The following FOCAD variants were observed in gnomAD, a reference collection of about 807,000 sequenced individuals.
FOCAD encodes the protein focadhesin.
FOCAD carries 198 observed loss-of-function variants against 225.6 expected under a neutral mutation model. The ratio of observed to expected loss-of-function variants is 0.88; its 90% CI spans 0.78 to 0.99. The LOEUF is 0.99. Among genes scored for constraint, FOCAD ranks in the 50% least tolerant of loss-of-function variants. FOCAD has a pLI of 0.00. For synonymous variants in FOCAD, 897 were observed against 755.0 expected (o/e 1.19, Z -3.08); for missense variants, 2,713 against 2,123.6 (o/e 1.28, Z -5.46).
At chr9:20,819,609 A>G (rs967316972) in intron 11 of FOCAD, among the ~76,000 whole-genome samples, 187 bp from the exon 12 acceptor site, 10 of 152,148 alleles carry the variant, frequency 6.6e-5, no homozygotes, top group African/African-American at 2.4e-4. Flanking sequence ...GCAGCTAATT[A>G]TAAGTGGTAG....
At chr9:20,712,712 A>G (rs1824956773) in intron 1 of FOCAD, among the ~76,000 whole-genome samples, 1 of 134,960 alleles carries the variant, frequency 7.4e-6, no homozygotes, top group Non-Finnish European at 1.6e-5. Flanking sequence ...GTCATCCTTG[A>G]CTCCTTTCTC....
At chr9:20,851,802 G>A (rs953320556) in intron 15 of FOCAD, among the ~76,000 whole-genome samples, 1 of 151,804 alleles carries the variant, frequency 6.6e-6, no homozygotes. Context: ...TTCAGGAGTT[G>A]GCAAACCATG....
chr9:20,699,527 G>A (rs1242803408), intron 1 of FOCAD, among the ~76,000 whole-genome samples: 2 of 151,236 alleles, frequency 1.3e-5, no homozygotes, highest in Non-Finnish European at 2.9e-5. Flanking sequence ...GGATCAGGAG[G>A]TTGGGAGATT....
chr9:20,874,758 C>T lies in FOCAD; in HGVS notation c.2268C>T (p.Gly756=). 2 of 1,613,686 alleles carry T rather than the reference C, an allele frequency of 1.2e-6. No individual in the cohort carries two copies. Among genetic ancestry groups the T allele is most frequent in the Non-Finnish European group, 1.7e-6 (2 of 1,179,718 alleles). ...DVEDVDLSVP[G]SCYLKLLSLT... ...AGGATGTGGATCTTTCAGTTCCTGG[C>T]TCTTGCTATCTCAAACTGTTGTCAC... The change falls in exon 19 of 44, where the codon GGC becomes GGT. Residue 756 remains glycine (G), a synonymous_variant. Coordinates refer to ENST00000338382, the MANE Select transcript of FOCAD (RefSeq NM_001375567.1).
chr9:20,895,795 T>C (rs947586899), intron 21 of FOCAD, among the ~76,000 whole-genome samples: 30 of 152,018 alleles, frequency 2.0e-4, no homozygotes, highest in Admixed American at 1.3e-3. Context: ...ATTTTCTATA[T>C]AGACACTCAT....
chr9:20,867,725 G>A lies in FOCAD; in HGVS notation c.2190+713G>A, dbSNP rs113029216. ...TCAAATGCATACAGATGTTTATTGA[G>A]TGCCTCTGAAGTGTCAAGCAGACAT... On this transcript the variant is annotated intron_variant, in intron 18 of 43. Transcript: ENST00000338382. Among the ~76,000 whole-genome samples, 1,143 of 152,100 alleles carry A rather than the reference G, an allele frequency of 7.5e-3. 18 individuals are homozygous for A. The highest frequency in any genetic ancestry group is 0.026 in the African/African-American group (1,091 of 41,512).
In FOCAD at chr9:20,778,715, C is replaced by T. The variant is rs1197207097; in HGVS notation, c.941C>T (p.Ala314Val). 6.2e-7 allele frequency: 1 copy of T among 1,612,302 alleles called. No homozygotes were observed. Among genetic ancestry groups the T allele is most frequent in the Non-Finnish European group, 8.5e-7 (1 of 1,178,798 alleles). The change falls in exon 9 of 44, where the codon GCT (alanine) becomes GTT (valine). Residue 314 changes from alanine (A) to valine (V), a missense_variant. Coordinates refer to ENST00000338382, the MANE Select transcript of FOCAD (RefSeq NM_001375567.1). The stretch of plus-strand genomic sequence containing the variant: ...GTTGAACTGGTCATAATTGGAATAG[C>T]TTTACTACTTCTACAGACTCCAGCA... ...FPVELVIIGIALLLLQTPASQ... is the reference protein window; with the variant it reads ...FPVELVIIGIVLLLLQTPASQ...
At chr9:20,993,477 A>C in intron 43 of FOCAD, 149 bp downstream of exon 43, 1 of 636,516 alleles carries the variant, frequency 1.6e-6, no homozygotes, top group Non-Finnish European at 2.7e-6. Context: ...ATGTTTTTGG[A>C]TTTGGGTATA....
At chr9:20,928,611 A>C (rs994215654) in intron 26 of FOCAD, among the ~76,000 whole-genome samples, 1 of 152,172 alleles carries the variant, frequency 6.6e-6, no homozygotes, top group Admixed American at 6.5e-5. Context: ...GAAGCTGTTC[A>C]TATTCAGCTG....
chr9:20,921,454 T>G, intron 24 of FOCAD, among the ~76,000 whole-genome samples: 1 of 152,226 alleles, frequency 6.6e-6, no homozygotes, highest in South Asian at 2.1e-4. Context: ...GAGTTTTTAC[T>G]GAACCAGTTA....
rs1050206809 is a variant in FOCAD at position 20,990,310 on chromosome 9, C to G, written c.5192C>G (p.Thr1731Ser). The change falls in exon 42 of 44, where the codon ACT becomes AGT. Residue 1731 changes from threonine to serine, a missense_variant. By Grantham distance (58) the Thr-to-Ser change is moderately conservative (BLOSUM62 1). Coordinates refer to ENST00000338382, the MANE Select transcript of FOCAD (RefSeq NM_001375567.1). ...AGGGTCACTCTGCAGGAGGTTCTCA[C>G]TCTCCTTCCCAATAGCATGGCTCTG... is the stretch of plus-strand genomic sequence containing the variant. Reference protein sequence around the residue: ...MHRVTLQEVLTLLPNSMALLL... With the variant: ...MHRVTLQEVLSLLPNSMALLL... The G allele has an allele frequency of 2.5e-6, 4 of 1,613,892 alleles. No homozygotes were observed. Among genetic ancestry groups the G allele is most frequent in the East Asian group, 2.2e-5 (1 of 44,846 alleles).
intron 15 of FOCAD, among the ~76,000 whole-genome samples, chr9:20,844,102 A>G (rs1230475842): frequency 6.6e-6 from 1 of 152,156 alleles, no homozygotes; most frequent in Non-Finnish European, 1.5e-5. Flanking sequence ...GTACCCAAGA[A>G]AAGTGCAACT....
At chr9:20,787,504 A>T (rs1820044706) in intron 10 of FOCAD, among the ~76,000 whole-genome samples, 2 of 152,108 alleles carry the variant, frequency 1.3e-5, no homozygotes, top group Admixed American at 1.3e-4. Flanking sequence ...AACCTTGGCC[A>T]TGGTTGTTAA....
intron 4 of FOCAD, among the ~76,000 whole-genome samples, chr9:20,723,522 A>G (rs918514920): frequency 1.4e-4 from 21 of 152,358 alleles, no homozygotes; most frequent in African/African-American, 5.0e-4. Flanking sequence ...GTTTTTTTGA[A>G]TAGATAATAT....
chr9:20,662,630 A>AT (rs931923787), intron 2 of FOCAD, among the ~76,000 whole-genome samples: 27 of 148,340 alleles, frequency 1.8e-4, no homozygotes, highest in Non-Finnish European at 2.4e-4. Context: ...CTATTTTTAA[A>AT]TTTTTTTTTT....
At chr9:20,982,487 C>G (rs980627951) in intron 39 of FOCAD, 41 bp downstream of exon 39, 2 of 1,504,490 alleles carry the variant, frequency 1.3e-6, no homozygotes, top group Non-Finnish European at 1.8e-6. Flanking sequence ...ATTATTGAGC[C>G]AGAAATTACG....
At chr9:20,866,050 C>G in intron 17 of FOCAD, 74 bp downstream of exon 17, 1 of 1,266,792 alleles carries the variant, frequency 7.9e-7, no homozygotes, top group Non-Finnish European at 1.1e-6. Context: ...AAATAAGACT[C>G]TTAGGATAAA....
At chr9:20,991,107 G>C (rs553293445) in intron 42 of FOCAD, among the ~76,000 whole-genome samples, 2 of 152,278 alleles carry the variant, frequency 1.3e-5, no homozygotes, top group African/African-American at 4.8e-5. Context: ...CTTTGTATGT[G>C]AACATGTGTT....
chr9:20,708,797 TTC>T (rs1824598977), intron 1 of FOCAD, among the ~76,000 whole-genome samples: 1 of 151,244 alleles, frequency 6.6e-6, no homozygotes, highest in Non-Finnish European at 1.5e-5. Context: ...AAAAAAAAAA[TTC>T]TGTTTAGCCC....
Sources: allele counts gnomAD v4.1 joint callset (sites outside exome capture counted in the v4.1 genomes callset), GRCh38; gene constraint gnomAD v4.1.1; transcripts MANE v1.5; gene names NCBI Gene and HGNC (gene_info 2026-07-23, HGNC 2026-07-21).